The following ASTE1 variants were observed in gnomAD, a reference collection of about 807,000 sequenced individuals.
ASTE1 encodes the protein single-strand DNA endonuclease ASTE1.
ASTE1 carries 49 observed loss-of-function variants against 45.8 expected under a neutral mutation model. The observed-to-expected ratio is 1.07, with a 90% CI of 0.85 to 1.36. The LOEUF is 1.36. Ranked by LOEUF, ASTE1 falls within the 40% of genes most tolerant of loss-of-function variation. The pLI, the probability that ASTE1 is intolerant of heterozygous loss-of-function variation, is 0.00. For synonymous variants in ASTE1, 296 were observed against 303.9 expected, an observed-to-expected ratio of 0.97 and a Z score of 0.27; for missense variants, 709 against 804.0, an observed-to-expected ratio of 0.88 and a Z score of 1.43.
At chr3:131,023,399 AT>A (rs756524389) in intron 3 of ASTE1, among the ~76,000 whole-genome samples, 10 of 152,164 alleles carry the variant, frequency 6.6e-5, no homozygotes, top group East Asian at 5.8e-4. Flanking sequence ...ATCCATGAGA[AT>A]TTTTTTCTCC....
At chr3:131,023,465 G>T (rs1419712680) in intron 3 of ASTE1, among the ~76,000 whole-genome samples, 9 of 152,094 alleles carry the variant, frequency 5.9e-5, no homozygotes, top group Non-Finnish European at 1.3e-4. Flanking sequence ...GTTAGACTAA[G>T]AGTCATGTTT....
intron 4 of ASTE1, chr3:131,016,552 A>G (rs759119948): frequency 1.0e-5 from 6 of 597,212 alleles, no homozygotes; most frequent in South Asian, 2.1e-5. Context: ...TATTCAACCC[A>G]TCGGAATTTA....
At chr3:131,018,452 A>G in intron 4 of ASTE1, 54 bp downstream of exon 4, 1 of 1,533,520 alleles carries the variant, frequency 6.5e-7, no homozygotes, top group Non-Finnish European at 9.0e-7. Context: ...AACTCGAGTA[A>G]ACAGTTTGCA....
intron 3 of ASTE1, among the ~76,000 whole-genome samples, 153 bp downstream of exon 3, chr3:131,023,852 T>A (rs372530907): frequency 1.3e-5 from 2 of 152,190 alleles, no homozygotes; most frequent in East Asian, 3.8e-4. Flanking sequence ...ATTACCTAGT[T>A]CACTCAAGTT....
In ASTE1 at chr3:131,024,408, T is replaced by G; in HGVS notation, c.899A>C (p.Gln300Pro). Residue 300 changes from glutamine to proline, a missense_variant, in exon 3 of 6, where the codon CAA becomes CCA. Transcript: ENST00000264992. Reference sequence around the variant, plus strand: ...GTCCTGTAGCTTCACCTGGGACTGTTGGTATTCTTCCATGGAACAGCAGAG... The same window carrying G: ...GTCCTGTAGCTTCACCTGGGACTGTGGGTATTCTTCCATGGAACAGCAGAG... ...ELLCCSMEEYQQSQVKLQDFF... is the reference protein window; with the variant it reads ...ELLCCSMEEYPQSQVKLQDFF... The G allele has an allele frequency of 6.2e-7, 1 of 1,614,222 alleles. No homozygotes were observed. Among genetic ancestry groups the G allele is most frequent in the Non-Finnish European group, 8.5e-7 (1 of 1,180,032 alleles).
chr3:131,019,641 T>G (rs1275412119), intron 3 of ASTE1, among the ~76,000 whole-genome samples: 1 of 152,224 alleles, frequency 6.6e-6, no homozygotes, highest in Non-Finnish European at 1.5e-5. Flanking sequence ...AGAAAAGTTG[T>G]ATTCCTAGTG....
chr3:131,022,074 T>C (rs1167183937), intron 3 of ASTE1, among the ~76,000 whole-genome samples: 4 of 152,172 alleles, frequency 2.6e-5, no homozygotes, highest in African/African-American at 9.7e-5. Context: ...AAATGACTTA[T>C]AAAATTGCAT....
At position 131,024,578 on chromosome 3, in the gene ASTE1, A is replaced by G; in HGVS notation, c.729T>C (p.Leu243=). 6.2e-7 allele frequency: 1 copy of G among 1,613,608 alleles called. No homozygotes were observed. The highest frequency in any genetic ancestry group is 2.2e-5 in the East Asian group (1 of 44,876). ...ETFLSKARLP[L]GATSSKGRRH... ...TCCTCCCTTTAGAACTGGTAGCTCC[A>G]AGAGGAAGACGCGCTTTACTTAAGA... The change falls in exon 3 of 6, where the codon CTT becomes CTC. Residue 243 remains leucine, a synonymous_variant. Coordinates refer to ENST00000264992, the MANE Select transcript of ASTE1 (RefSeq NM_014065.4).
chr3:131,014,055 T>A lies in ASTE1; in HGVS notation c.*2A>T, dbSNP rs749192621. On this transcript the variant is annotated 3_prime_UTR_variant, in exon 6 of 6. Coordinates refer to ENST00000264992, the MANE Select transcript of ASTE1 (RefSeq NM_014065.4). ...TACATCTAGTTTGATGCAAACTGAG[T>A]TTTATTCAATGTTGGAGGCCTCACT... The A allele has an allele frequency of 3.2e-6, 5 of 1,556,668 alleles. No individual in the cohort carries two copies. The East Asian group carries it at 9.0e-5, about 28-fold the overall frequency.
At chr3:131,022,391 G>A (rs113613201) in intron 3 of ASTE1, among the ~76,000 whole-genome samples, 35 of 152,200 alleles carry the variant, frequency 2.3e-4, no homozygotes, top group African/African-American at 7.5e-4. Flanking sequence ...TCAACAGGGA[G>A]CACAATCATA....
chr3:131,018,629 A>C lies in ASTE1; in HGVS notation c.1390T>G (p.Leu464Val). The C allele has an allele frequency of 6.2e-7, 1 of 1,614,102 alleles. No homozygotes were observed. Among genetic ancestry groups the C allele is most frequent in the Non-Finnish European group, 8.5e-7 (1 of 1,180,026 alleles). The part of the protein sequence containing the change: ...ILEPIPTSLK[L>V]PIAVSCYWLQ... ...CAGTAGCAACTGACAGCAATGGGCA[A>C]CTTCAGTGAAGTAGGGATTGGCTCC... Residue 464 changes from leucine to valine, a missense_variant, in exon 4 of 6, where the codon TTG becomes GTG. By Grantham distance (32) the Leu-to-Val change is conservative. Transcript: ENST00000264992.
Position 131,025,614 on chromosome 3 carries a change from A to G in ASTE1, c.-146-20T>C. On this transcript the variant is annotated intron_variant, in intron 1 of 5. Coordinates refer to ENST00000264992, the MANE Select transcript of ASTE1 (RefSeq NM_014065.4). ...CTAATTCTAAAGAAAAATCAGTTGA[A>G]GTCCATTACTGACACACCAGTATAG... The G allele has an allele frequency of 3.0e-6, 1 of 332,064 alleles. No individual in the cohort carries two copies. Among genetic ancestry groups the G allele is most frequent in the Non-Finnish European group, 5.4e-6 (1 of 183,734 alleles). 20.6% of individuals were successfully genotyped at this position (332,064 alleles called of 1,614,324 possible).
intron 5 of ASTE1, 162 bp downstream of exon 5, chr3:131,015,982 C>T: frequency 1.2e-6 from 1 of 862,884 alleles, no homozygotes; most frequent in South Asian, 1.5e-5. Flanking sequence ...CCGTTTCCAG[C>T]TCTTCAGCTG....
chr3:131,020,937 G>T (rs1161098676), intron 3 of ASTE1, among the ~76,000 whole-genome samples: 3 of 152,034 alleles, frequency 2.0e-5, no homozygotes, highest in Non-Finnish European at 2.9e-5. Context: ...ATTTCCATGT[G>T]GGGGGAAAAG....
At position 131,018,672 on chromosome 3, in the gene ASTE1, C is replaced by CT; in HGVS notation, c.1346dup (p.Val450GlyfsTer57). The stretch of plus-strand genomic sequence containing the variant: ...TTGGCTCCAGAATGGTCTGTTTCAC[C>CT]TTCAGGGTTTCTAACAGAAGCATCT... On this transcript the variant is annotated frameshift_variant, in exon 4 of 6. Transcript: ENST00000264992. LOFTEE classifies it high-confidence loss of function. 6.2e-7 allele frequency: 1 copy of CT among 1,614,010 alleles called. No homozygotes were observed. The highest frequency in any genetic ancestry group is 1.7e-4 in the Middle Eastern group (1 of 6,058).
At chr3:131,018,243 C>G (rs1273689515) in intron 4 of ASTE1, among the ~76,000 whole-genome samples, 1 of 152,096 alleles carries the variant, frequency 6.6e-6, no homozygotes, top group African/African-American at 2.4e-5. Context: ...TAGGTGCCAC[C>G]AAACAGATGG....
intron 5 of ASTE1, among the ~76,000 whole-genome samples, chr3:131,015,722 TA>T (rs35694987): frequency 0.19 from 27,992 of 151,096 alleles, 2,692 homozygotes; most frequent in South Asian, 0.22. Context: ...GAAATGCAAT[TA>T]AAAAAAAATA....
chr3:131,018,213 C>A (rs1296953822), intron 4 of ASTE1, among the ~76,000 whole-genome samples: 1 of 152,122 alleles, frequency 6.6e-6, no homozygotes, highest in East Asian at 1.9e-4. Flanking sequence ...TACACTGTCA[C>A]AATTCACAAG....
intron 5 of ASTE1, chr3:131,015,828 G>A (rs2063596857): frequency 2.3e-6 from 1 of 439,550 alleles, no homozygotes; most frequent in Non-Finnish European, 4.2e-6. Context: ...TAAAGACTGA[G>A]AGGAAAGGAG....
Sources: allele counts gnomAD v4.1 joint callset (sites outside exome capture counted in the v4.1 genomes callset), GRCh38; gene constraint gnomAD v4.1.1; transcripts MANE v1.5; gene names NCBI Gene and HGNC (gene_info 2026-07-23, HGNC 2026-07-21).